Variants in ARHGEF3 observed in about 807,000 individuals in gnomAD.
The protein encoded by ARHGEF3 is Rho guanine nucleotide exchange factor 3.
A neutral mutation model predicts 63.2 loss-of-function variants in ARHGEF3; 28 were observed. The observed-to-expected ratio is 0.44, with a 90% CI of 0.33 to 0.61. The LOEUF (loss-of-function observed/expected upper bound fraction) is 0.61. ARHGEF3 is among the 20% of genes least tolerant of loss of function. The pLI is 0.03. For missense variants in ARHGEF3, 533 were observed against 659.3 expected (o/e 0.81, Z 2.10); for synonymous variants, 266 against 254.2 (o/e 1.05, Z -0.44).
At chr3:56,967,415 TATACATATTATATATTATATA>T (rs1336738364) in intron 2 of ARHGEF3, among the ~76,000 whole-genome samples, 7 of 87,870 alleles carry the variant, frequency 8.0e-5, no homozygotes, top group East Asian at 6.5e-4. Flanking sequence ...TATTATATAT[TATACATATTATATATTATATA>T]ATATATTATA....
chr3:57,066,171 T>C (rs1212451174), intron 1 of ARHGEF3, among the ~76,000 whole-genome samples: 1 of 152,166 alleles, frequency 6.6e-6, no homozygotes, highest in South Asian at 2.1e-4. Context: ...GGGACTTATT[T>C]TGCAGTCAAT....
intron 3 of ARHGEF3, among the ~76,000 whole-genome samples, chr3:56,923,075 T>TATATATATAA (rs1560053971): frequency 1.3e-4 from 16 of 127,722 alleles, no homozygotes; most frequent in African/African-American, 2.5e-4. Context: ...TATATATATA[T>TATATATATAA]AAATTAGTTG....
intron 1 of ARHGEF3, among the ~76,000 whole-genome samples, chr3:56,799,966 AC>A (rs1408925987): frequency 6.6e-6 from 1 of 152,202 alleles, no homozygotes; most frequent in Non-Finnish European, 1.5e-5. Flanking sequence ...ATATCCCCAT[AC>A]GAGGAAAATA....
intron 6 of ARHGEF3, among the ~76,000 whole-genome samples, chr3:56,748,154 C>T (rs1043134106): frequency 6.6e-6 from 1 of 152,190 alleles, no homozygotes; most frequent in African/African-American, 2.4e-5. Flanking sequence ...CCCTCCTCAG[C>T]CTCTCAAATA....
At chr3:56,945,943 G>A (rs142116869) in intron 3 of ARHGEF3, among the ~76,000 whole-genome samples, 17,541 of 152,032 alleles carry the variant, frequency 0.12, 1,269 homozygotes, top group East Asian at 0.25. Context: ...CCAGAGGAAC[G>A]ATCAGGCAGC....
intron 2 of ARHGEF3, among the ~76,000 whole-genome samples, chr3:56,997,264 C>T (rs950332692): frequency 9.2e-5 from 14 of 152,154 alleles, no homozygotes; most frequent in Non-Finnish European, 2.9e-5. Flanking sequence ...ACCACTCCCC[C>T]GGAGCCCCCA....
chr3:56,903,613 A>G (rs559250305), intron 3 of ARHGEF3, among the ~76,000 whole-genome samples: 1 of 152,324 alleles, frequency 6.6e-6, no homozygotes, highest in South Asian at 2.1e-4. Context: ...GGATATGCAA[A>G]GTGTACATCA....
chr3:57,055,383 A>G (rs1216652716), intron 1 of ARHGEF3, among the ~76,000 whole-genome samples: 1 of 152,058 alleles, frequency 6.6e-6, no homozygotes, highest in Non-Finnish European at 1.5e-5. Flanking sequence ...GCTGGTCTCA[A>G]ATGCCTGACC....
chr3:57,079,194 G>C (rs950620548), intron 1 of ARHGEF3: 2 of 396,670 alleles, frequency 5.0e-6, no homozygotes, highest in African/African-American at 4.1e-5. Context: ...TCTAGCGCGG[G>C]AGCGGGTTTC....
At chr3:56,917,409 T>C (rs1436545743) in intron 3 of ARHGEF3, among the ~76,000 whole-genome samples, 3 of 152,252 alleles carry the variant, frequency 2.0e-5, no homozygotes, top group Non-Finnish European at 2.9e-5. Context: ...TGGGGCCTTC[T>C]TACAAATGCA....
At chr3:56,909,899 G>T (rs1315198980) in intron 3 of ARHGEF3, among the ~76,000 whole-genome samples, 1 of 152,118 alleles carries the variant, frequency 6.6e-6, no homozygotes, top group East Asian at 1.9e-4. Context: ...CCTGTGAGGT[G>T]AAAGAGACAG....
chr3:56,876,766 C>T (rs976949380), intron 4 of ARHGEF3, among the ~76,000 whole-genome samples: 1 of 152,202 alleles, frequency 6.6e-6, no homozygotes. Flanking sequence ...ATGGGAAAGC[C>T]CCACCAGCAT....
chr3:57,017,026 T>TCC, intron 2 of ARHGEF3, among the ~76,000 whole-genome samples: 1 of 112,196 alleles, frequency 8.9e-6, no homozygotes, highest in East Asian at 3.2e-4. Context: ...TCTCTCTCTC[T>TCC]CTCTCTCACA....
chr3:56,877,332 T>C (rs914365915), intron 4 of ARHGEF3, among the ~76,000 whole-genome samples: 7 of 152,018 alleles, frequency 4.6e-5, no homozygotes, highest in Admixed American at 1.3e-4. Context: ...GTTCATAATA[T>C]AGTAAGTGAA....
chr3:57,032,375 G>A (rs1285179939), intron 2 of ARHGEF3, among the ~76,000 whole-genome samples: 2 of 152,208 alleles, frequency 1.3e-5, no homozygotes, highest in African/African-American at 2.4e-5. Context: ...ACTGAGTGTG[G>A]TCAAAGCAAC....
chr3:56,827,831 T>C (rs919245697), intron 4 of ARHGEF3, among the ~76,000 whole-genome samples: 2 of 144,652 alleles, frequency 1.4e-5, no homozygotes, highest in African/African-American at 5.1e-5. Context: ...CCAGCAACTT[T>C]GGAGGCTGAG....
intron 2 of ARHGEF3, among the ~76,000 whole-genome samples, chr3:57,008,390 C>T (rs1702550811): frequency 6.6e-6 from 1 of 152,022 alleles, no homozygotes; most frequent in Admixed American, 6.6e-5. Flanking sequence ...ACGTAACAGC[C>T]CGCTTGCCAA....
At chr3:56,842,394 G>T (rs2108113790) in intron 4 of ARHGEF3, among the ~76,000 whole-genome samples, 1 of 152,270 alleles carries the variant, frequency 6.6e-6, no homozygotes, top group African/African-American at 2.4e-5. Context: ...TAGAAAAACA[G>T]TTAAGCTCTA....
At chr3:57,014,401 C>G (rs1051185636) in intron 2 of ARHGEF3, among the ~76,000 whole-genome samples, 3 of 152,140 alleles carry the variant, frequency 2.0e-5, no homozygotes, top group Admixed American at 2.0e-4. Flanking sequence ...CCATCACCAC[C>G]CCTGTTCATC....
Sources: allele counts gnomAD v4.1 joint callset (sites outside exome capture counted in the v4.1 genomes callset), GRCh38; gene constraint gnomAD v4.1.1; transcripts MANE v1.5; gene names NCBI Gene and HGNC (gene_info 2026-07-23, HGNC 2026-07-21).